ARAP3: variants seen among roughly 807,000 people sequenced by gnomAD.
ARAP3 encodes arf-GAP with Rho-GAP domain, ANK repeat and PH domain-containing protein 3.
ARAP3 carries 82 observed loss-of-function variants against 169.2 expected under a neutral mutation model. The ratio of observed to expected loss-of-function variants is 0.48; its 90% confidence interval spans 0.41 to 0.58. The LOEUF is 0.58. Among genes scored for constraint, ARAP3 ranks in the 20% least tolerant of loss-of-function variants. ARAP3 has a pLI of 0.00. For synonymous variants in ARAP3, 791 were observed against 800.3 expected, an observed-to-expected ratio of 0.99 and a Z score of 0.20; for missense variants, 1,764 against 2,018.0, an observed-to-expected ratio of 0.87 and a Z score of 2.41.
chr5:141,655,527 G>A, intron 31 of ARAP3, 94 bp downstream of exon 31: 1 of 1,598,066 alleles, frequency 6.3e-7, no homozygotes, highest in Admixed American at 1.7e-5. Flanking sequence ...GTGAGCATAG[G>A]GTGGCACCAG....
chr5:141,670,164 ATATGATCCCATG>A, intron 14 of ARAP3, 101 bp from the exon 15 acceptor site: 1 of 1,435,480 alleles, frequency 7.0e-7, no homozygotes, highest in Non-Finnish European at 9.4e-7. Context: ...CTTTGCCCAT[ATATGATCCCATG>A]TAATCTTCAC....
intron 21 of ARAP3, among the ~76,000 whole-genome samples, chr5:141,661,067 CTTTTT>C (rs562593165): frequency 7.5e-6 from 1 of 132,766 alleles, no homozygotes; most frequent in Admixed American, 7.5e-5. Context: ...TTTCTTTTTT[CTTTTT>C]TTTTTTTTTG....
Position 141,680,084 on chromosome 5 carries a change from G to T in ARAP3, c.403C>A (p.Pro135Thr), listed in dbSNP as rs939621016. The change falls in exon 2 of 33, where the codon CCT (proline) becomes ACT (threonine). Residue 135 changes from proline to threonine, a missense_variant. By Grantham distance (38) the Pro-to-Thr change is conservative. Around this residue, in one of 3 missense-constraint regions of ARAP3, gnomAD observed 630 missense variants for 678.7 expected, o/e 0.93. Coordinates refer to ENST00000239440, the MANE Select transcript of ARAP3 (RefSeq NM_022481.6). ...GAGGAGGAAGTGGGGAGAGGAGGAG[G>T]CCTTGGGCTGGGCTCTGGGCTCCTG... Reference protein sequence around the residue: ...VSRSPEPSPRPPPLPTSSSEQ... With the variant: ...VSRSPEPSPRTPPLPTSSSEQ... 5 of 1,613,810 alleles carry T rather than the reference G, an allele frequency of 3.1e-6. No homozygotes were observed. The highest frequency in any genetic ancestry group is 1.6e-4 in the Middle Eastern group (1 of 6,084).
In ARAP3 at chr5:141,669,790, G is replaced by A; in HGVS notation, c.2271C>T (p.Leu757=). The A allele has an allele frequency of 6.2e-7, 1 of 1,614,142 alleles. No individual in the cohort carries two copies. Among genetic ancestry groups the A allele is most frequent in the Non-Finnish European group, 8.5e-7 (1 of 1,180,014 alleles). Residue 757 remains leucine (L), a synonymous_variant, in exon 16 of 33, where the codon CTC becomes CTT. Coordinates refer to ENST00000239440, the MANE Select transcript of ARAP3 (RefSeq NM_022481.6). The part of the protein sequence containing the change: ...PGDRFPFSFE[L]ILAGGRIQHF... The stretch of plus-strand genomic sequence containing the variant: ...GCTGGATCCTCCCCCCAGCGAGGAT[G>A]AGCTCAAAGGAAAAGGGGAACCTGG...
chr5:141,677,717 A>T (rs1373400357), intron 4 of ARAP3, among the ~76,000 whole-genome samples: 1 of 152,168 alleles, frequency 6.6e-6, no homozygotes, highest in Non-Finnish European at 1.5e-5. Flanking sequence ...AGTAAAAGCC[A>T]AAGTCCCTTA....
intron 21 of ARAP3, 31 bp from the exon 22 acceptor site, chr5:141,659,957 G>T (rs757873366): frequency 3.9e-6 from 6 of 1,530,668 alleles, no homozygotes; most frequent in Non-Finnish European, 2.7e-6. Flanking sequence ...CTTCATCAGT[G>T]TAGCCACTCA....
intron 16 of ARAP3, among the ~76,000 whole-genome samples, chr5:141,667,186 C>T (rs760313788): frequency 2.0e-5 from 3 of 152,004 alleles, no homozygotes; most frequent in South Asian, 2.1e-4. Flanking sequence ...TGAGCCACTG[C>T]GCCCAGCCAA....
At chr5:141,658,237 G>C in intron 25 of ARAP3, 128 bp downstream of exon 25, 2 of 869,270 alleles carry the variant, frequency 2.3e-6, no homozygotes, top group South Asian at 3.3e-5. Flanking sequence ...CCCTCGCATG[G>C]ATGAGTGGAT....
At position 141,673,306 on chromosome 5, in the gene ARAP3, C is replaced by T. The variant is rs1004914729; in HGVS notation, c.972+95G>A. ...TCAGTCATGCAGTCACTGCCCCGCC[C>T]ACACACACAATGGACTTCCCTCCTT... On this transcript the variant is annotated intron_variant, in intron 6 of 32. Transcript: ENST00000239440. 29 of 1,571,436 alleles carry T rather than the reference C, an allele frequency of 1.8e-5. No homozygotes were observed. The Admixed American group carries it at 4.9e-4, about 26-fold the overall frequency.
chr5:141,660,661 T>C (rs2099909834), intron 21 of ARAP3, among the ~76,000 whole-genome samples: 1 of 152,138 alleles, frequency 6.6e-6, no homozygotes, highest in South Asian at 2.1e-4. Flanking sequence ...TTTTATCTTT[T>C]ATAGAGATGG....
At position 141,672,263 on chromosome 5, in the gene ARAP3, G is replaced by C. The variant is rs201996634; in HGVS notation, c.1424C>G (p.Ala475Gly). The C allele has an allele frequency of 6.2e-7, 1 of 1,614,158 alleles. No individual in the cohort carries two copies. The change falls in exon 10 of 33, where the codon GCG becomes GGG. Residue 475 changes from alanine to glycine, a missense_variant. Physicochemically the swap from Ala to Gly is moderately conservative, Grantham distance 60 (BLOSUM62 0). Coordinates refer to ENST00000239440, the MANE Select transcript of ARAP3 (RefSeq NM_022481.6). This position sits in a 1 kb window ranked among gnomAD's most constrained non-coding sequence, Gnocchi z 4.9. ...GGTTACTGCTTCCTGCAGAGCGGCCGCCCAGCTCTGCCGAGCACCCCCAGA... is the reference window on the plus strand; with the variant it reads ...GGTTACTGCTTCCTGCAGAGCGGCCCCCCAGCTCTGCCGAGCACCCCCAGA... ...AESGGARQSW[A>G]AALQEAVTET...
intron 1 of ARAP3, among the ~76,000 whole-genome samples, chr5:141,681,851 G>A (rs1473675572): frequency 6.6e-6 from 1 of 152,036 alleles, no homozygotes; most frequent in Non-Finnish European, 1.5e-5. Flanking sequence ...CAGGGCCCGC[G>A]TGCTGAGCCT....
At position 141,669,903 on chromosome 5, in the gene ARAP3, G is replaced by A. The variant is rs1285174632; in HGVS notation, c.2249+19C>T. ...GAAGAGAAAAGGGGGAAGCTCAGTG[G>A]TCACAGAAGGGCTATTACCTGTCAC... On this transcript the variant is annotated intron_variant, in intron 15 of 32. Coordinates refer to ENST00000239440, the MANE Select transcript of ARAP3 (RefSeq NM_022481.6). The A allele has an allele frequency of 6.2e-7, 1 of 1,607,892 alleles. No homozygotes were observed. The highest frequency in any genetic ancestry group is 8.5e-7 in the Non-Finnish European group (1 of 1,175,714).
At chr5:141,667,769 C>T (rs1273235068) in intron 16 of ARAP3, among the ~76,000 whole-genome samples, 2 of 148,998 alleles carry the variant, frequency 1.3e-5, no homozygotes, top group South Asian at 2.2e-4. Flanking sequence ...TGGCCAGGTG[C>T]GGTGGCTCAA....
chr5:141,665,510 G>T, intron 17 of ARAP3, 136 bp from the exon 18 acceptor site: 1 of 834,338 alleles, frequency 1.2e-6, no homozygotes, highest in Non-Finnish European at 1.9e-6. Context: ...TATGAGTTAT[G>T]TACTATTATT....
chr5:141,659,615 A>G, intron 22 of ARAP3, 139 bp from the exon 23 acceptor site: 3 of 1,322,272 alleles, frequency 2.3e-6, no homozygotes, highest in Non-Finnish European at 3.2e-6. Flanking sequence ...TTGGAAGTGA[A>G]GTTGTGGGAG....
chr5:141,666,468 G>T lies in ARAP3; in HGVS notation c.2528C>A (p.Pro843Gln), dbSNP rs143455055. ...FLCSAPGPGPPAPEDMVHLRR... is the reference protein window; with the variant it reads ...FLCSAPGPGPQAPEDMVHLRR... ...CAGATGCACCATGTCCTCAGGGGCT[G>T]GGGGGCCTGGGCCCGGCGCTGAGCA... The change falls in exon 17 of 33, where the codon CCA becomes CAA. Residue 843 changes from proline to glutamine, a missense_variant. Pro to Gln is a moderately conservative substitution (Grantham distance 76). Around this residue, in one of 3 missense-constraint regions of ARAP3, gnomAD observed 1,112 missense variants for 1,285.7 expected, o/e 0.86. Coordinates refer to ENST00000239440, the MANE Select transcript of ARAP3 (RefSeq NM_022481.6). 3.8e-6 allele frequency: 6 copies of T among 1,594,468 alleles called. No homozygotes were observed. The highest frequency in any genetic ancestry group is 5.1e-6 in the Non-Finnish European group (6 of 1,170,400).
intron 17 of ARAP3, 103 bp downstream of exon 17, chr5:141,666,321 A>G (rs2099910630): frequency 1.8e-6 from 2 of 1,122,202 alleles, no homozygotes; most frequent in Non-Finnish European, 2.4e-6. Context: ...TGAAGCCACC[A>G]TGTTCTGCTG....
chr5:141,655,399 C>A lies in ARAP3; in HGVS notation c.4112G>T (p.Arg1371Leu). 6.3e-7 allele frequency: 1 copy of A among 1,587,074 alleles called. No individual in the cohort carries two copies. Among genetic ancestry groups the A allele is most frequent in the East Asian group, 2.3e-5 (1 of 43,680 alleles). The change falls in exon 32 of 33, where the codon CGG becomes CTG. Residue 1371 changes from arginine (R) to leucine (L), a missense_variant and splice_region_variant. Arg to Leu is a moderately radical substitution (Grantham distance 102, BLOSUM62 -2). This residue lies in a region of ARAP3 where 1,112 missense variants were observed against 1,285.7 expected (regional missense o/e 0.86). Coordinates refer to ENST00000239440, the MANE Select transcript of ARAP3 (RefSeq NM_022481.6). ...CAGGGTCCTCCGGTTGTGTAGTCGC[C>A]GCTGGACACAGGTGGGGTGGGGACA... is the stretch of plus-strand genomic sequence containing the variant. ...ATLLSANQTL[R>L]RLHNRRTLSM...
Sources: allele counts gnomAD v4.1 joint callset (sites outside exome capture counted in the v4.1 genomes callset), GRCh38; gene constraint gnomAD v4.1.1; regional missense constraint gnomAD v4.1.1; non-coding constraint Gnocchi (gnomAD v3.1); transcripts MANE v1.5; gene names NCBI Gene and HGNC (gene_info 2026-07-23, HGNC 2026-07-21).